SLCO4A1: variants seen among roughly 807,000 people sequenced by gnomAD.
The protein encoded by SLCO4A1 is solute carrier organic anion transporter family member 4A1.
In SLCO4A1, 51 loss-of-function variants were observed where a neutral mutation model predicts 64.6. That is an observed-to-expected ratio of 0.79 (90% CI 0.63 to 1.00). The LOEUF is 1.00. SLCO4A1 is among the 50% of genes least tolerant of loss of function. The pLI, the probability that SLCO4A1 is intolerant of heterozygous loss-of-function variation, is 0.00. For synonymous variants in SLCO4A1, 471 were observed against 444.9 expected (o/e 1.06, Z -0.74); for missense variants, 919 against 980.5 (o/e 0.94, Z 0.84).
intron 2 of SLCO4A1, among the ~76,000 whole-genome samples, chr20:62,684,916 A>G (rs1296179118): frequency 1.1e-4 from 17 of 152,130 alleles, no homozygotes; most frequent in Admixed American, 1.1e-3. Context: ...GGGCAACGAG[A>G]GCTGCGAGAA....
chr20:62,653,814 C>T (rs900162692), intron 1 of SLCO4A1, among the ~76,000 whole-genome samples: 1 of 151,490 alleles, frequency 6.6e-6, no homozygotes, highest in African/African-American at 2.4e-5. Context: ...ACTGCATGTT[C>T]TCACTCATAG....
At chr20:62,659,150 G>C (rs1440433740) in intron 3 of SLCO4A1, among the ~76,000 whole-genome samples, 1 of 152,216 alleles carries the variant, frequency 6.6e-6, no homozygotes, top group South Asian at 2.1e-4. Context: ...GGGGTGGAGG[G>C]AGAGGCAGAG....
chr20:62,644,706 G>A lies in SLCO4A1; in HGVS notation c.-97+2153G>A, dbSNP rs566398346. Among the ~76,000 whole-genome samples, 3 of 152,328 alleles carry A rather than the reference G, an allele frequency of 2.0e-5. No homozygotes were observed. Among genetic ancestry groups the A allele is most frequent in the South Asian group, 2.1e-4 (1 of 4,826 alleles). On this transcript the variant is annotated intron_variant, in intron 1 of 11. Coordinates refer to ENST00000217159, the MANE Select transcript of SLCO4A1 (RefSeq NM_016354.4). The surrounding 1 kb of genome is among the most constrained non-coding windows in gnomAD (Gnocchi z 5.4). Reference sequence around the variant, plus strand: ...ATTGTGCCTACAAGGTCTTCGATCCGGATGTCTCCATGAGTGTTAATCCAT... The same window carrying A: ...ATTGTGCCTACAAGGTCTTCGATCCAGATGTCTCCATGAGTGTTAATCCAT...
At chr20:62,683,912 G>A (rs1042758319) in intron 2 of SLCO4A1, among the ~76,000 whole-genome samples, 12 of 140,336 alleles carry the variant, frequency 8.6e-5, no homozygotes, top group South Asian at 2.3e-4. Context: ...ACACGCTCAC[G>A]CAACGATCTC....
chr20:62,689,768 C>T (rs554265973), downstream of SLCO4A1, among the ~76,000 whole-genome samples: 28 of 152,252 alleles, frequency 1.8e-4, no homozygotes, highest in Non-Finnish European at 3.5e-4. Flanking sequence ...CCAAGCTGCC[C>T]GATTCCTTGT....
Position 62,661,176 on chromosome 20 carries a change from G to C in SLCO4A1, c.1121+1G>C, listed in dbSNP as rs77165805. 1 of 1,608,568 alleles carries C rather than the reference G, an allele frequency of 6.2e-7. No homozygotes were observed. The highest frequency in any genetic ancestry group is 1.1e-5 in the South Asian group (1 of 90,990). ...GGAAAACCATCAGAGACCTGCCTCT[G>C]TAAGGACCGGAGTCGGGAGGGTTCC... is the stretch of plus-strand genomic sequence containing the variant. On this transcript the variant is annotated splice_donor_variant, in intron 5 of 11. Transcript: ENST00000217159. LOFTEE classifies it high-confidence loss of function. The surrounding 1 kb of genome is among the most constrained non-coding windows in gnomAD (Gnocchi z 5.2).
chr20:62,660,869 C>A (rs567791081), intron 4 of SLCO4A1, among the ~76,000 whole-genome samples, 195 bp from the exon 5 acceptor site: 9 of 152,334 alleles, frequency 5.9e-5, no homozygotes, highest in Non-Finnish European at 1.3e-4. Flanking sequence ...CACCTCCAAA[C>A]CCGGCTTGTG....
chr20:62,684,755 CA>C (rs1428933982), intron 2 of SLCO4A1, among the ~76,000 whole-genome samples: 6 of 152,238 alleles, frequency 3.9e-5, no homozygotes, highest in Admixed American at 1.3e-4. Flanking sequence ...CCAGGGCGAT[CA>C]GGGGTCCCCA....
chr20:62,673,122 G>A (rs1987399328), downstream of SLCO4A1, among the ~76,000 whole-genome samples: 1 of 143,070 alleles, frequency 7.0e-6, no homozygotes, highest in African/African-American at 2.5e-5. Context: ...CAGGACGCTT[G>A]TGTGGAGCTC....
At chr20:62,687,360 T>C (rs1191948922), downstream of SLCO4A1, among the ~76,000 whole-genome samples, 1 of 151,742 alleles carries the variant, frequency 6.6e-6, no homozygotes, top group Non-Finnish European at 1.5e-5. Flanking sequence ...GCCAAGGGCA[T>C]GTGGAGGAAG....
In SLCO4A1 at chr20:62,665,046, T is replaced by G. The variant is rs772635184; in HGVS notation, c.1234T>G (p.Ser412Ala). The G allele has an allele frequency of 2.5e-6, 4 of 1,613,458 alleles. No homozygotes were observed. Among genetic ancestry groups the G allele is most frequent in the Non-Finnish European group, 3.4e-6 (4 of 1,179,798 alleles). Residue 412 changes from serine (S) to alanine (A), a missense_variant, in exon 6 of 12, where the codon TCC becomes GCC. By Grantham distance (99) the Ser-to-Ala change is moderately conservative. Coordinates refer to ENST00000217159, the MANE Select transcript of SLCO4A1 (RefSeq NM_016354.4). ...MSTFSPKFLE[S>A]QFSLSASEAA... is the part of the protein sequence containing the mutation. ...CACGTTCAGCCCCAAGTTCTTGGAG[T>G]CCCAGTTCAGCCTGAGTGCCTCAGA...
At chr20:62,667,663 GC>G in intron 7 of SLCO4A1, 81 bp from the exon 8 acceptor site, 1 of 1,481,578 alleles carries the variant, frequency 6.7e-7, no homozygotes, top group East Asian at 2.3e-5. Flanking sequence ...ATGGGGACGA[GC>G]CCCATGGCTG....
intron 7 of SLCO4A1, chr20:62,667,520 G>A (rs1986577947): frequency 3.4e-6 from 2 of 583,324 alleles, no homozygotes; most frequent in African/African-American, 1.9e-5. Flanking sequence ...CGGTGCTGGG[G>A]GGCATGGGTG....
At chr20:62,669,947 A>G (rs1443677042) in intron 11 of SLCO4A1, 1 of 152,260 alleles carries the variant, frequency 6.6e-6, no homozygotes, top group African/African-American at 2.4e-5. Context: ...TTCACTTTCC[A>G]CAGTTTCAGT....
chr20:62,683,786 G>A (rs1987941970), intron 2 of SLCO4A1, among the ~76,000 whole-genome samples: 2 of 152,330 alleles, frequency 1.3e-5, no homozygotes, highest in Middle Eastern at 3.4e-3. Flanking sequence ...ACCAAACACC[G>A]ACTTTCTCAA....
At chr20:62,684,101 G>A (rs370509428) in intron 2 of SLCO4A1, among the ~76,000 whole-genome samples, 24 of 149,742 alleles carry the variant, frequency 1.6e-4, no homozygotes, top group Admixed American at 1.5e-3. Context: ...ACGTGACCAC[G>A]CGCTTCCCAC....
chr20:62,669,481 G>T (rs937055970), intron 11 of SLCO4A1, among the ~76,000 whole-genome samples: 3 of 152,246 alleles, frequency 2.0e-5, no homozygotes, highest in Non-Finnish European at 4.4e-5. Context: ...CCTCAGTCTG[G>T]GGGGCTGGCG....
At chr20:62,659,054 CTG>C (rs1234671828) in intron 3 of SLCO4A1, among the ~76,000 whole-genome samples, 1 of 152,244 alleles carries the variant, frequency 6.6e-6, no homozygotes, top group African/African-American at 2.4e-5. Context: ...CCTAATGAAA[CTG>C]AGATTTTTCT....
At chr20:62,688,432 G>A (rs13037588), downstream of SLCO4A1, among the ~76,000 whole-genome samples, 27,964 of 151,952 alleles carry the variant, frequency 0.18, 3,435 homozygotes, top group East Asian at 0.44. Flanking sequence ...CCCCAACCCC[G>A]CTCACCTGTA....
Sources: allele counts gnomAD v4.1 joint callset (sites outside exome capture counted in the v4.1 genomes callset), GRCh38; gene constraint gnomAD v4.1.1; non-coding constraint Gnocchi (gnomAD v3.1); transcripts MANE v1.5; gene names NCBI Gene and HGNC (gene_info 2026-07-23, HGNC 2026-07-21).